MAML2: variants seen among roughly 807,000 people sequenced by gnomAD.
The protein encoded by MAML2 is mastermind like transcriptional coactivator 2.
Under a neutral mutation model 96.1 loss-of-function variants are expected in MAML2, and 22 were observed. The ratio of observed to expected loss-of-function variants is 0.23; its 90% CI spans 0.16 to 0.33. MAML2 has a LOEUF of 0.33. MAML2 is among the 10% of genes least tolerant of loss of function. MAML2 has a pLI of 1.00. For missense variants in MAML2, 1,367 were observed against 1,392.4 expected (o/e 0.98, Z 0.29); for synonymous variants, 561 against 521.3 (o/e 1.08, Z -1.04).
intron 1 of MAML2, among the ~76,000 whole-genome samples, chr11:96,115,453 T>A (rs1480464883): frequency 2.0e-5 from 3 of 148,898 alleles, no homozygotes; most frequent in Non-Finnish European, 4.4e-5. Context: ...AGACATGTAA[T>A]CCACCACCAC....
At chr11:96,005,979 G>T (rs1858172944) in intron 2 of MAML2, among the ~76,000 whole-genome samples, 1 of 151,746 alleles carries the variant, frequency 6.6e-6, no homozygotes, top group South Asian at 2.1e-4. Context: ...TTAGACATGG[G>T]AATCTAGGTG....
At chr11:96,007,565 T>C (rs2135724534) in intron 2 of MAML2, among the ~76,000 whole-genome samples, 1 of 152,244 alleles carries the variant, frequency 6.6e-6, no homozygotes, top group South Asian at 2.1e-4. Context: ...TACTACATAG[T>C]GGTTATTTTA....
chr11:96,041,800 C>T (rs913448007), intron 2 of MAML2, among the ~76,000 whole-genome samples: 1 of 151,356 alleles, frequency 6.6e-6, no homozygotes, highest in Non-Finnish European at 1.5e-5. Context: ...TGGATCTAGC[C>T]CTTCTCTTTT....
At chr11:96,051,268 T>C (rs530542033) in intron 2 of MAML2, among the ~76,000 whole-genome samples, 1 of 152,282 alleles carries the variant, frequency 6.6e-6, no homozygotes, top group Admixed American at 6.5e-5. Flanking sequence ...TCTCAATTAG[T>C]CCTCACATTC....
intron 2 of MAML2, among the ~76,000 whole-genome samples, chr11:96,049,979 G>A (rs1858965049): frequency 1.3e-5 from 2 of 152,220 alleles, no homozygotes; most frequent in South Asian, 2.1e-4. Context: ...CCATCCAACC[G>A]TGTTGGAATT....
intron 1 of MAML2, among the ~76,000 whole-genome samples, chr11:96,155,459 T>TC (rs1860993977): frequency 7.0e-6 from 1 of 142,858 alleles, no homozygotes; most frequent in African/African-American, 2.6e-5. Context: ...CTCTGAGCCC[T>TC]ATTTTCCTCT....
intron 1 of MAML2, among the ~76,000 whole-genome samples, chr11:96,266,570 C>CA (rs560997492): frequency 0.013 from 1,507 of 119,986 alleles, 21 homozygotes; most frequent in African/African-American, 0.039. Flanking sequence ...GACTCCGTCT[C>CA]AAAAAAAAAA....
intron 1 of MAML2, among the ~76,000 whole-genome samples, chr11:96,140,330 C>T (rs1325297536): frequency 6.6e-6 from 1 of 152,114 alleles, no homozygotes; most frequent in East Asian, 1.9e-4. Flanking sequence ...TTCTTTGATC[C>T]TCAAAAGCTA....
intron 1 of MAML2, among the ~76,000 whole-genome samples, chr11:96,106,234 T>C (rs986014090): frequency 6.6e-6 from 1 of 152,186 alleles, no homozygotes; most frequent in Admixed American, 6.5e-5. Context: ...TGTGTGGCCA[T>C]ATTCTTTGAA....
At chr11:96,068,188 T>C (rs1452446924) in intron 2 of MAML2, among the ~76,000 whole-genome samples, 1 of 152,176 alleles carries the variant, frequency 6.6e-6, no homozygotes, top group African/African-American at 2.4e-5. Context: ...ATGTCTTTTC[T>C]CAATTAAATT....
chr11:96,342,175 G>A lies in MAML2; in HGVS notation c.-280C>T, dbSNP rs549241561. ...AATTGCATTTGACAGCTCTGGAGAA[G>A]TTGGACAGAGTTGGTGGATTTTTTT... On this transcript the variant is annotated 5_prime_UTR_variant, in exon 1 of 5. Coordinates refer to ENST00000524717, the MANE Select transcript of MAML2 (RefSeq NM_032427.4). 1.4e-3 allele frequency: 688 copies of A among 476,370 alleles called. 4 individuals are homozygous for A. The highest frequency in any genetic ancestry group is 1.5e-3 in the Non-Finnish European group (396 of 270,758). 29.5% of individuals were successfully genotyped at this position (476,370 alleles called of 1,614,324 possible).
chr11:96,025,794 C>T (rs577594482), intron 2 of MAML2, among the ~76,000 whole-genome samples: 1 of 152,066 alleles, frequency 6.6e-6, no homozygotes, highest in Non-Finnish European at 1.5e-5. Context: ...ATCTTTTGAC[C>T]TCATGATCCG....
chr11:96,057,046 C>A (rs977597956), intron 2 of MAML2, among the ~76,000 whole-genome samples: 3 of 152,136 alleles, frequency 2.0e-5, no homozygotes, highest in Admixed American at 1.3e-4. Context: ...TAAAGAAATG[C>A]AGCCCGAGAA....
intron 2 of MAML2, among the ~76,000 whole-genome samples, chr11:96,016,979 G>T (rs551121940): frequency 5.6e-4 from 86 of 152,244 alleles, no homozygotes; most frequent in African/African-American, 2.0e-3. Flanking sequence ...TAAAATTTCT[G>T]AGAATAATAC....
intron 1 of MAML2, among the ~76,000 whole-genome samples, chr11:96,140,046 G>A (rs952597731): frequency 2.6e-5 from 4 of 152,198 alleles, no homozygotes; most frequent in African/African-American, 9.7e-5. Flanking sequence ...TTGCTGCTGA[G>A]GCTTATCATT....
chr11:96,226,027 C>A (rs373277252), intron 1 of MAML2, among the ~76,000 whole-genome samples: 4 of 152,094 alleles, frequency 2.6e-5, no homozygotes, highest in Admixed American at 2.6e-4. Context: ...ACATATTTAG[C>A]AAATACTTAT....
In MAML2 at chr11:96,093,510, C is replaced by T. The variant is rs61749254; in HGVS notation, c.521G>A (p.Gly174Asp). Residue 174 changes from glycine (G) to aspartate (D), a missense_variant, in exon 2 of 5, where the codon GGT (glycine) becomes GAT (aspartate). By Grantham distance (94) the Gly-to-Asp change is moderately conservative. Transcript: ENST00000524717. ...AACTACCTGTTTTCTTTTCAAGGAA[C>T]CCTGGAGCTGAAAGACAGAAGGGAA... is the stretch of plus-strand genomic sequence containing the variant. ...QRNSALIALQ[G>D]SLKRKQVVNL... 19,128 of 1,592,928 alleles carry T rather than the reference C, an allele frequency of 0.012. 127 individuals are homozygous for T. Among genetic ancestry groups the T allele is most frequent in the Non-Finnish European group, 0.013 (15,484 of 1,170,494 alleles).
At chr11:96,152,971 G>A (rs768320592) in intron 1 of MAML2, among the ~76,000 whole-genome samples, 5 of 152,158 alleles carry the variant, frequency 3.3e-5, no homozygotes, top group Non-Finnish European at 5.9e-5. Context: ...GTTATATTAA[G>A]TGATTCTAAT....
intron 1 of MAML2, among the ~76,000 whole-genome samples, chr11:96,139,502 C>T (rs1860698616): frequency 6.7e-6 from 1 of 150,306 alleles, no homozygotes; most frequent in Non-Finnish European, 1.5e-5. Context: ...ACAGTGGTAT[C>T]CAACAATTAT....
Sources: allele counts gnomAD v4.1 joint callset (sites outside exome capture counted in the v4.1 genomes callset), GRCh38; gene constraint gnomAD v4.1.1; transcripts MANE v1.5; gene names NCBI Gene and HGNC (gene_info 2026-07-23, HGNC 2026-07-21).